Variants in CLVS1 observed in about 807,000 individuals in gnomAD.
CLVS1 encodes the protein clavesin 1.
CLVS1 carries 10 observed loss-of-function variants against 33.1 expected under a neutral mutation model. The ratio of observed to expected loss-of-function variants is 0.30; its 90% CI spans 0.19 to 0.51. The LOEUF is 0.51. Among genes scored for constraint, CLVS1 ranks in the 20% least tolerant of loss-of-function variants. The pLI, the probability that CLVS1 is intolerant of heterozygous loss-of-function variation, is 0.97. For missense variants in CLVS1, 343 were observed against 433.4 expected, an observed-to-expected ratio of 0.79 and a Z score of 1.85; for synonymous variants, 163 against 166.1, an observed-to-expected ratio of 0.98 and a Z score of 0.14.
intron 2 of CLVS1, among the ~76,000 whole-genome samples, chr8:61,375,310 G>C (rs1438217276): frequency 6.6e-6 from 1 of 150,654 alleles, no homozygotes; most frequent in Non-Finnish European, 1.5e-5. Context: ...GAGTGCAATG[G>C]CGCGATCTCA....
upstream of CLVS1, among the ~76,000 whole-genome samples, chr8:61,286,669 C>G (rs1168095457): frequency 6.6e-6 from 1 of 152,122 alleles, no homozygotes; most frequent in Non-Finnish European, 1.5e-5. Flanking sequence ...ATATATAATA[C>G]TATGTTAGAG....
intron 3 of CLVS1, among the ~76,000 whole-genome samples, chr8:61,407,015 A>T (rs1354512996): frequency 6.6e-6 from 1 of 152,240 alleles, no homozygotes; most frequent in East Asian, 1.9e-4. Flanking sequence ...CATTATAATT[A>T]GTGATCATTT....
upstream of CLVS1, among the ~76,000 whole-genome samples, chr8:61,056,871 A>T (rs113975736): frequency 1.9e-4 from 29 of 152,326 alleles, no homozygotes; most frequent in African/African-American, 7.0e-4. Context: ...ACAGCTAGAC[A>T]AGCAATCCCT....
intron 5 of CLVS1, among the ~76,000 whole-genome samples, chr8:61,458,928 T>C (rs1206102186): frequency 1.3e-5 from 2 of 152,252 alleles, no homozygotes; most frequent in Admixed American, 6.5e-5. Flanking sequence ...GAGAATTTAC[T>C]GGGCTGCAGC....
At chr8:61,118,568 T>G (rs1805791206) in intron 1 of CLVS1, among the ~76,000 whole-genome samples, 1 of 151,460 alleles carries the variant, frequency 6.6e-6, no homozygotes, top group Non-Finnish European at 1.5e-5. Context: ...TCTGGTATGT[T>G]GTGTCTTTGT....
the CLVS1 span, among the ~76,000 whole-genome samples, chr8:60,984,448 G>A: frequency 6.6e-6 from 1 of 151,754 alleles, no homozygotes; most frequent in South Asian, 2.1e-4. Context: ...AGCCTCCTGA[G>A]TAGCTGAGAT....
chr8:61,062,721 C>T (rs952141866), intron 1 of CLVS1, among the ~76,000 whole-genome samples: 4 of 152,172 alleles, frequency 2.6e-5, no homozygotes, highest in African/African-American at 4.8e-5. Context: ...TTATGGTCCA[C>T]GGGCCAAAAG....
At chr8:61,492,883 C>T (rs773327013) in intron 5 of CLVS1, among the ~76,000 whole-genome samples, 19 of 152,096 alleles carry the variant, frequency 1.2e-4, no homozygotes, top group Admixed American at 3.3e-4. Context: ...AATCATTTTG[C>T]CTGCTAGGAT....
chr8:61,211,055 C>A (rs575226212), intron 2 of CLVS1, among the ~76,000 whole-genome samples: 23 of 152,130 alleles, frequency 1.5e-4, no homozygotes, highest in African/African-American at 5.5e-4. Flanking sequence ...TAAAGAAATG[C>A]CAAGTGGTCA....
chr8:61,350,190 A>G (rs1812394232), intron 2 of CLVS1, among the ~76,000 whole-genome samples: 1 of 152,144 alleles, frequency 6.6e-6, no homozygotes. Flanking sequence ...CCATTACATA[A>G]TATATAGGTA....
At chr8:61,064,645 A>T (rs533393779) in intron 1 of CLVS1, among the ~76,000 whole-genome samples, 2 of 149,978 alleles carry the variant, frequency 1.3e-5, no homozygotes, top group Non-Finnish European at 2.9e-5. Context: ...GGTTCAAACG[A>T]TTCTTCTGCC....
At chr8:61,051,520 G>C in the CLVS1 span, among the ~76,000 whole-genome samples, 1 of 152,232 alleles carries the variant, frequency 6.6e-6, no homozygotes, top group Admixed American at 6.5e-5. Context: ...GCCCTCCTGG[G>C]CTTGTCAGAA....
At chr8:61,461,092 T>A (rs1248877242) in intron 5 of CLVS1, among the ~76,000 whole-genome samples, 1 of 152,238 alleles carries the variant, frequency 6.6e-6, no homozygotes, top group East Asian at 1.9e-4. Flanking sequence ...TTGTTTGTGC[T>A]GTTAGTGGTT....
chr8:61,029,581 A>C, the CLVS1 span, among the ~76,000 whole-genome samples: 2 of 146,598 alleles, frequency 1.4e-5, no homozygotes, highest in Non-Finnish European at 3.0e-5. Flanking sequence ...CCACCTGAGA[A>C]ACAAATTTCT....
intron 2 of CLVS1, among the ~76,000 whole-genome samples, chr8:61,139,837 C>T (rs1413003182): frequency 2.0e-5 from 3 of 152,180 alleles, no homozygotes; most frequent in Non-Finnish European, 4.4e-5. Context: ...TTCCCGGCTC[C>T]CTCTTGTGCC....
At chr8:61,070,712 C>T (rs1804779015) in intron 1 of CLVS1, among the ~76,000 whole-genome samples, 1 of 152,198 alleles carries the variant, frequency 6.6e-6, no homozygotes, top group South Asian at 2.1e-4. Flanking sequence ...CAGTGGTGTA[C>T]ACCTGTAGTC....
intron 2 of CLVS1, among the ~76,000 whole-genome samples, chr8:61,363,581 T>C (rs1258894969): frequency 6.6e-6 from 1 of 152,236 alleles, no homozygotes; most frequent in East Asian, 1.9e-4. Flanking sequence ...TAATGTTACC[T>C]GGTAGAGCAA....
At chr8:61,091,950 A>T (rs933090647) in intron 1 of CLVS1, among the ~76,000 whole-genome samples, 1 of 152,234 alleles carries the variant, frequency 6.6e-6, no homozygotes, top group African/African-American at 2.4e-5. Context: ...CACAAGAAAA[A>T]TGTGTGAGAT....
At chr8:61,409,997 C>T (rs1034279069) in intron 3 of CLVS1, among the ~76,000 whole-genome samples, 17 of 149,350 alleles carry the variant, frequency 1.1e-4, no homozygotes, top group African/African-American at 4.2e-4. Flanking sequence ...TAAGGAGATT[C>T]ACTTTTTGTG....
Sources: gnomAD v4.1 joint callset for allele counts (sites outside exome capture counted in the v4.1 genomes callset) on GRCh38, gnomAD v4.1.1 for gene constraint, MANE v1.5 for transcripts, NCBI Gene and HGNC (gene_info 2026-07-23, HGNC 2026-07-21) for gene names.